PHLDB2: variants seen among roughly 807,000 people sequenced by gnomAD.
The protein encoded by PHLDB2 is pleckstrin homology-like domain family B member 2.
PHLDB2 carries 71 observed loss-of-function variants against 123.6 expected under a neutral mutation model. The observed-to-expected ratio is 0.57, with a 90% CI of 0.47 to 0.70. PHLDB2 has a LOEUF of 0.70. Among genes scored for constraint, PHLDB2 ranks in the 30% least tolerant of loss-of-function variants. The pLI is 0.00. For missense variants in PHLDB2, 1,446 were observed against 1,519.5 expected (o/e 0.95, Z 0.80); for synonymous variants, 547 against 541.6 (o/e 1.01, Z -0.14).
At chr3:111,898,220 C>G (rs536264692) in intron 2 of PHLDB2, among the ~76,000 whole-genome samples, 1 of 149,886 alleles carries the variant, frequency 6.7e-6, no homozygotes, top group East Asian at 2.0e-4. Flanking sequence ...TGCTCTGTCT[C>G]CCAGGCTGGA....
chr3:111,778,714 C>T (rs1466491379), intron 1 of PHLDB2, among the ~76,000 whole-genome samples: 1 of 152,056 alleles, frequency 6.6e-6, no homozygotes, highest in Non-Finnish European at 1.5e-5. Flanking sequence ...TTGCTCAGAA[C>T]ATCTCTACTT....
intron 1 of PHLDB2, among the ~76,000 whole-genome samples, chr3:111,733,677 G>C (rs1301567301): frequency 1.3e-5 from 2 of 152,182 alleles, no homozygotes; most frequent in Non-Finnish European, 2.9e-5. Context: ...GAAGAATAAA[G>C]TTATAAAGTA....
rs150176668 is a variant in PHLDB2 at position 111,836,418 on chromosome 3, A to G, written c.-48-9403A>G. Among the ~76,000 whole-genome samples the G allele has an allele frequency of 1.4e-3, 208 of 152,278 alleles. 1 individual carries two copies. Among genetic ancestry groups the G allele is most frequent in the African/African-American group, 4.6e-3 (192 of 41,560 alleles). ...TTGGAAAGGGAAGATGAGATTCTAC[A>G]GAGATATGTTAAGTTTGAGAATCCA... is the stretch of plus-strand genomic sequence containing the variant. On this transcript the variant is annotated intron_variant, in intron 1 of 17. Transcript: ENST00000393923.
intron 14 of PHLDB2, among the ~76,000 whole-genome samples, chr3:111,966,990 T>G (rs1431599596): frequency 6.6e-6 from 1 of 152,178 alleles, no homozygotes; most frequent in Non-Finnish European, 1.5e-5. Flanking sequence ...TTTTTGTTTT[T>G]GTTTTTTGTC....
intron 1 of PHLDB2, among the ~76,000 whole-genome samples, chr3:111,823,258 T>TG (rs1461088879): frequency 6.6e-6 from 1 of 152,228 alleles, no homozygotes; most frequent in African/African-American, 2.4e-5. Context: ...AGAGCTGGGA[T>TG]GTGGAATAGG....
upstream of PHLDB2, among the ~76,000 whole-genome samples, chr3:111,857,231 C>G (rs929860318): frequency 6.6e-6 from 1 of 152,036 alleles, no homozygotes; most frequent in African/African-American, 2.4e-5. Context: ...GCAGACAGAT[C>G]GCTTGAGCCC....
exon 1 of PHLDB2, chr3:111,732,613 C>G (rs1373878187): frequency 2.0e-6 from 3 of 1,534,792 alleles, no homozygotes; most frequent in Admixed American, 3.9e-5. Context: ...ATCCCACTCT[C>G]TTCAGCAATC....
intron 10 of PHLDB2, 146 bp downstream of exon 10, chr3:111,949,221 A>G (rs969345131): frequency 3.4e-6 from 3 of 885,590 alleles, no homozygotes. Context: ...CTGAGTTTAT[A>G]AAGTATACCA....
chr3:111,894,742 C>T (rs926251445), intron 2 of PHLDB2, among the ~76,000 whole-genome samples: 1 of 151,668 alleles, frequency 6.6e-6, no homozygotes, highest in African/African-American at 2.4e-5. Flanking sequence ...ATCCTTTGCC[C>T]ACTTTTTGAT....
At chr3:111,769,316 T>A (rs1410207316) in intron 1 of PHLDB2, among the ~76,000 whole-genome samples, 1 of 152,212 alleles carries the variant, frequency 6.6e-6, no homozygotes, top group African/African-American at 2.4e-5. Flanking sequence ...TAGGTAATAA[T>A]GTTCTGGGAG....
At position 111,828,295 on chromosome 3, in the gene PHLDB2, A is replaced by G. The variant is rs369404487; in HGVS notation, c.-48-17526A>G. 3.3e-5 allele frequency among the ~76,000 whole-genome samples: 5 copies of G among 152,306 alleles called. No homozygotes were observed. The East Asian group carries it at 9.6e-4, about 29-fold the overall frequency. ...GAGGCAGCTGAAGTTGCCCTGCCCC[A>G]GCCCCAATATCCTCCTGTGCACTGA... On this transcript the variant is annotated intron_variant, in intron 1 of 17. Transcript: ENST00000393923.
intron 1 of PHLDB2, among the ~76,000 whole-genome samples, chr3:111,880,479 C>T (rs184614565): frequency 1.3e-5 from 2 of 152,264 alleles, no homozygotes; most frequent in East Asian, 3.9e-4. Flanking sequence ...AGGAAAAGAG[C>T]TCTCATTGTC....
At position 111,969,723 on chromosome 3, in the gene PHLDB2, A is replaced by G; in HGVS notation, c.3349A>G (p.Lys1117Glu). The G allele has an allele frequency of 6.2e-7, 1 of 1,613,978 alleles. No homozygotes were observed. Residue 1117 changes from lysine (K) to glutamate (E), a missense_variant, in exon 16 of 18, where the codon AAG (lysine) becomes GAG (glutamate). Coordinates refer to ENST00000431670, the MANE Select transcript of PHLDB2 (RefSeq NM_001134438.2). ...RPLTRYLPVR[K>E]EDFDLRSHVE... ...TTTGACACGCTACCTGCCTGTCCGG[A>G]AGGAAGACTTTGATTTGCGGAGCCA...
chr3:111,821,714 G>A (rs1314966721), intron 1 of PHLDB2, among the ~76,000 whole-genome samples: 2 of 152,144 alleles, frequency 1.3e-5, no homozygotes, highest in Non-Finnish European at 2.9e-5. Context: ...ATGTAGTCAA[G>A]GTGACACACA....
At chr3:111,970,504 C>T (rs2072100448) in intron 16 of PHLDB2, among the ~76,000 whole-genome samples, 1 of 152,140 alleles carries the variant, frequency 6.6e-6, no homozygotes, top group Middle Eastern at 3.2e-3. Context: ...CTTTTAAGCA[C>T]AGAGAGTAAA....
intron 1 of PHLDB2, among the ~76,000 whole-genome samples, chr3:111,773,147 C>G (rs1163464097): frequency 6.6e-6 from 1 of 152,206 alleles, no homozygotes; most frequent in African/African-American, 2.4e-5. Flanking sequence ...TCTCAGTGCT[C>G]TGATAGCATC....
intron 15 of PHLDB2, 91 bp from the exon 16 acceptor site, chr3:111,969,599 G>A: frequency 2.9e-6 from 3 of 1,025,136 alleles, no homozygotes; most frequent in South Asian, 3.0e-5. Context: ...TAAAGCTTAG[G>A]TTTTACAGTT....
At chr3:111,935,248 T>A (rs1011852814) in intron 6 of PHLDB2, among the ~76,000 whole-genome samples, 16 of 151,892 alleles carry the variant, frequency 1.1e-4, no homozygotes, top group Non-Finnish European at 2.1e-4. Flanking sequence ...TACAGGCACC[T>A]GCCACCATGC....
chr3:111,925,558 A>G (rs1559906696), intron 5 of PHLDB2, among the ~76,000 whole-genome samples: 1 of 152,250 alleles, frequency 6.6e-6, no homozygotes, highest in Non-Finnish European at 1.5e-5. Flanking sequence ...GTGAAGCAGT[A>G]AGCAAAGAGA....
Sources: gnomAD v4.1 joint callset for allele counts (sites outside exome capture counted in the v4.1 genomes callset) on GRCh38, gnomAD v4.1.1 for gene constraint, MANE v1.5 for transcripts, NCBI Gene and HGNC (gene_info 2026-07-23, HGNC 2026-07-21) for gene names.